The following ANAPC4 variants were observed in gnomAD, a reference collection of about 807,000 sequenced individuals.
The protein encoded by ANAPC4 is anaphase-promoting complex subunit 4.
Under a neutral mutation model 119.8 loss-of-function variants are expected in ANAPC4, and 63 were observed. The observed-to-expected ratio is 0.53, with a 90% CI of 0.43 to 0.65. The LOEUF is 0.65. Among genes scored for constraint, ANAPC4 ranks in the 30% least tolerant of loss-of-function variants. ANAPC4 has a pLI of 0.00. For synonymous variants in ANAPC4, 283 were observed against 318.6 expected (o/e 0.89, Z 1.19); for missense variants, 716 against 945.1 (o/e 0.76, Z 3.18).
At position 25,413,749 on chromosome 4, in the gene ANAPC4, T is replaced by C. The variant is rs773136569; in HGVS notation, c.1623+7T>C. 1.9e-6 allele frequency: 3 copies of C among 1,602,634 alleles called. No individual in the cohort carries two copies. Among genetic ancestry groups the C allele is most frequent in the Non-Finnish European group, 2.6e-6 (3 of 1,171,170 alleles). On this transcript the variant is annotated splice_region_variant and intron_variant, in intron 22 of 28. Transcript: ENST00000315368. ...GTGTTTGCAAAAGCCAGCAGTAAGT[T>C]TGAAAGAAATGCATGTCTTTGTGTA...
rs377127273 is a variant in ANAPC4 at position 25,393,826 on chromosome 4, T to A, written c.811T>A (p.Cys271Ser). The change falls in exon 11 of 29, where the codon TGT (cysteine) becomes AGT (serine). Residue 271 changes from cysteine (C) to serine (S), a missense_variant. Transcript: ENST00000315368. Reference protein sequence around the residue: ...LLQYINLSLTCMCEAWEEILM... With the variant: ...LLQYINLSLTSMCEAWEEILM... ...ATAGTATATAAATTTGTCACTAACATGTATGTGTGAAGCATGGGAAGAAAT... is the reference window on the plus strand; with the variant it reads ...ATAGTATATAAATTTGTCACTAACAAGTATGTGTGAAGCATGGGAAGAAAT... The A allele has an allele frequency of 6.9e-5, 111 of 1,607,328 alleles. 1 individual carries two copies. Among genetic ancestry groups the A allele is most frequent in the Non-Finnish European group, 7.2e-5 (85 of 1,176,878 alleles).
chr4:25,410,525 A>T (rs967702771), intron 21 of ANAPC4, among the ~76,000 whole-genome samples: 1 of 152,146 alleles, frequency 6.6e-6, no homozygotes, highest in African/African-American at 2.4e-5. Context: ...ACCATTTACT[A>T]ATGAGGAAAC....
rs772063703 is a variant in ANAPC4 at position 25,406,806 on chromosome 4, C to CT, written c.1318-18dup. ...GCAGCTTTCTTTTATCTTGATTTTT[C>CT]TTTTTGTTCCTTTTGTTGATAGATG... On this transcript the variant is annotated intron_variant, in intron 18 of 28. Transcript: ENST00000315368. The CT allele has an allele frequency of 1.9e-6, 3 of 1,561,214 alleles. No homozygotes were observed. The African/African-American group carries it at 4.1e-5, about 21-fold the overall frequency.
chr4:25,400,819 G>A (rs1403034191), intron 16 of ANAPC4, among the ~76,000 whole-genome samples: 4 of 152,168 alleles, frequency 2.6e-5, no homozygotes, highest in East Asian at 1.9e-4. Flanking sequence ...TAGATGATGC[G>A]TCCTGGTGGG....
At chr4:25,390,765 A>G (rs1214629996) in intron 8 of ANAPC4, 146 bp from the exon 9 acceptor site, 1 of 610,816 alleles carries the variant, frequency 1.6e-6, no homozygotes, top group Non-Finnish European at 2.8e-6. Flanking sequence ...GCAGGCAGAC[A>G]CCTACCTTCA....
intron 4 of ANAPC4, among the ~76,000 whole-genome samples, chr4:25,387,748 G>T (rs1045763087): frequency 1.3e-5 from 2 of 152,136 alleles, no homozygotes; most frequent in African/African-American, 4.8e-5. Flanking sequence ...GGAAAAGGGG[G>T]TAAATAAGAC....
chr4:25,403,065 TA>T (rs34334840), intron 17 of ANAPC4, 39 bp downstream of exon 17: 6 of 1,454,768 alleles, frequency 4.1e-6, no homozygotes, highest in Non-Finnish European at 5.7e-6. Flanking sequence ...TTTAACACTT[TA>T]AAAAAATTAT....
chr4:25,412,900 A>T (rs1163634608), intron 21 of ANAPC4: 2 of 152,166 alleles, frequency 1.3e-5, no homozygotes, highest in Non-Finnish European at 2.9e-5. Flanking sequence ...TAAAATGTTA[A>T]TGTGATTGTA....
At chr4:25,394,154 T>G (rs141081940) in intron 11 of ANAPC4, among the ~76,000 whole-genome samples, 156 bp from the exon 12 acceptor site, 1 of 152,352 alleles carries the variant, frequency 6.6e-6, no homozygotes, top group African/African-American at 2.4e-5. Context: ...AACAGCTGAT[T>G]GGCTATCTTC....
chr4:25,414,569 A>G, intron 24 of ANAPC4, 30 bp from the exon 25 acceptor site: 4 of 1,557,064 alleles, frequency 2.6e-6, no homozygotes, highest in Non-Finnish European at 3.5e-6. Flanking sequence ...ATCAATAGTT[A>G]AAAAATATTA....
intron 17 of ANAPC4, among the ~76,000 whole-genome samples, chr4:25,403,852 C>T (rs1723112709): frequency 6.6e-6 from 1 of 152,212 alleles, no homozygotes; most frequent in African/African-American, 2.4e-5. Flanking sequence ...TGTGTCTTCA[C>T]AATGTCTTTG....
rs1403446909 is a variant in ANAPC4 at position 25,416,590 on chromosome 4, T to C, written c.2067T>C (p.Tyr689=). 3.3e-6 allele frequency: 5 copies of C among 1,529,902 alleles called. No homozygotes were observed. Among genetic ancestry groups the C allele is most frequent in the Admixed American group, 3.8e-5 (2 of 53,174 alleles). The allele number at this position is 1,529,902 out of a possible 1,614,324, so 94.8% of individuals were successfully genotyped here. A position where few individuals can be genotyped will look rare whatever the true frequency, so the allele number is the denominator to read the frequency against. The part of the protein sequence containing the change: ...DSAEYQFTGT[Y]STRLDEQCSA... The stretch of plus-strand genomic sequence containing the variant: ...CAGAATATCAGTTCACTGGGACTTA[T>C]TCTACAAGGTAACTAGTAACATTGT... Residue 689 remains tyrosine, a synonymous_variant, in exon 27 of 29, where the codon TAT becomes TAC. Coordinates refer to ENST00000315368, the MANE Select transcript of ANAPC4 (RefSeq NM_013367.3).
chr4:25,414,192 T>C (rs1479011780), intron 22 of ANAPC4, 132 bp from the exon 23 acceptor site: 1 of 592,400 alleles, frequency 1.7e-6, no homozygotes, highest in East Asian at 3.1e-5. Flanking sequence ...CATTAACGTT[T>C]CTTATGTACA....
At chr4:25,385,039 A>G (rs1266653070) in intron 4 of ANAPC4, among the ~76,000 whole-genome samples, 1 of 152,232 alleles carries the variant, frequency 6.6e-6, no homozygotes, top group Non-Finnish European at 1.5e-5. Flanking sequence ...GCTGTCATTT[A>G]GGCTTTGTTG....
chr4:25,405,733 G>T lies in ANAPC4; in HGVS notation c.1317+114G>T. 1 of 1,019,954 alleles carries T rather than the reference G, an allele frequency of 9.8e-7. No individual in the cohort carries two copies. The highest frequency in any genetic ancestry group is 1.5e-6 in the Non-Finnish European group (1 of 668,444). The allele number at this position is 1,019,954 out of a possible 1,614,324, so 63.2% of individuals were successfully genotyped here. On this transcript the variant is annotated intron_variant, in intron 18 of 28. Transcript: ENST00000315368. The surrounding 1 kb of genome is among the most constrained non-coding windows in gnomAD (Gnocchi z 4.6). ...TTAGTTAACAGGATGTCAGGATGTAGACGTTAGATCCCTTAAGCACCACCT... is the reference window on the plus strand; with the variant it reads ...TTAGTTAACAGGATGTCAGGATGTATACGTTAGATCCCTTAAGCACCACCT...
intron 16 of ANAPC4, among the ~76,000 whole-genome samples, chr4:25,400,570 G>A (rs1294866794): frequency 6.6e-6 from 1 of 152,186 alleles, no homozygotes; most frequent in Non-Finnish European, 1.5e-5. Flanking sequence ...AATGGAACAG[G>A]AGGGCTCTGG....
chr4:25,404,483 C>CTA, intron 17 of ANAPC4, among the ~76,000 whole-genome samples: 1 of 152,208 alleles, frequency 6.6e-6, no homozygotes, highest in Non-Finnish European at 1.5e-5. Context: ...ATTGTCCTTA[C>CTA]TACACATTCT....
intron 21 of ANAPC4, among the ~76,000 whole-genome samples, chr4:25,410,378 C>A (rs1723496045): frequency 6.6e-6 from 1 of 152,148 alleles, no homozygotes; most frequent in Non-Finnish European, 1.5e-5. Flanking sequence ...ATAATCTGAC[C>A]AGATTTAGCA....
chr4:25,386,444 A>G (rs1467819543), intron 4 of ANAPC4, among the ~76,000 whole-genome samples: 2 of 151,976 alleles, frequency 1.3e-5, no homozygotes, highest in Non-Finnish European at 2.9e-5. Flanking sequence ...AACTCCTCTC[A>G]AGTGATTTGC....
Sources: gnomAD v4.1 joint callset for allele counts (sites outside exome capture counted in the v4.1 genomes callset) on GRCh38, gnomAD v4.1.1 for gene constraint, Gnocchi (gnomAD v3.1) non-coding constraint, MANE v1.5 for transcripts, NCBI Gene and HGNC (gene_info 2026-07-23, HGNC 2026-07-21) for gene names.